Variants in FAM120B observed in about 807,000 individuals in gnomAD.
FAM120B encodes constitutive coactivator of peroxisome proliferator-activated receptor gamma.
A neutral mutation model predicts 96.3 loss-of-function variants in FAM120B; 83 were observed. The ratio of observed to expected loss-of-function variants is 0.86; its 90% confidence interval spans 0.72 to 1.03. The LOEUF (loss-of-function observed/expected upper bound fraction) is 1.03. FAM120B is among the 50% of genes least tolerant of loss of function. The pLI, the probability that FAM120B is intolerant of heterozygous loss-of-function variation, is 0.00. For synonymous variants in FAM120B, 407 were observed against 402.7 expected, an observed-to-expected ratio of 1.01 and a Z score of -0.13; for missense variants, 1,027 against 1,121.2, an observed-to-expected ratio of 0.92 and a Z score of 1.20.
chr6:170,313,341 A>T (rs1784707646), intron 1 of FAM120B, among the ~76,000 whole-genome samples: 1 of 152,174 alleles, frequency 6.6e-6, no homozygotes. Flanking sequence ...AATAGACCTC[A>T]GATACTCCAC....
At chr6:170,396,898 C>T (rs898637643) in intron 9 of FAM120B, among the ~76,000 whole-genome samples, 1 of 152,336 alleles carries the variant, frequency 6.6e-6, no homozygotes. Context: ...AGACTGAAGC[C>T]TGGTGCTTTG....
At chr6:170,321,227 C>CCTAA (rs1379974653) in intron 2 of FAM120B, among the ~76,000 whole-genome samples, 2 of 152,188 alleles carry the variant, frequency 1.3e-5, no homozygotes, top group African/African-American at 4.8e-5. Context: ...ATCTTCAAAC[C>CCTAA]CTAACAGGCA....
At chr6:170,404,708 C>A (rs560210037) in intron 10 of FAM120B, 55 bp from the exon 11 acceptor site, 60 of 835,068 alleles carry the variant, frequency 7.2e-5, no homozygotes, top group Non-Finnish European at 1.1e-4. Context: ...GATATTGAAT[C>A]CTGCTGACCT....
chr6:170,365,344 C>A (rs1788715306), intron 6 of FAM120B, among the ~76,000 whole-genome samples: 1 of 152,188 alleles, frequency 6.6e-6, no homozygotes, highest in African/African-American at 2.4e-5. Flanking sequence ...AGTCTAGGTT[C>A]ATCTGCTGCT....
intron 5 of FAM120B, among the ~76,000 whole-genome samples, chr6:170,348,597 C>G (rs1023451517): frequency 6.6e-6 from 1 of 152,182 alleles, no homozygotes; most frequent in Non-Finnish European, 1.5e-5. Context: ...CTTGACTAAA[C>G]TTTCTCAAAC....
chr6:170,330,156 C>A (rs1472603189), intron 3 of FAM120B, among the ~76,000 whole-genome samples: 3 of 152,172 alleles, frequency 2.0e-5, no homozygotes, highest in Non-Finnish European at 4.4e-5. Flanking sequence ...GGAGGAAAGA[C>A]ATCGTAGGAG....
chr6:170,300,918 T>C (rs944022815), intron 1 of FAM120B, among the ~76,000 whole-genome samples: 3 of 152,212 alleles, frequency 2.0e-5, no homozygotes. Context: ...GCTGCCTTCA[T>C]GGGCTGGCAT....
chr6:170,291,540 T>G (rs1344276685), upstream of FAM120B, among the ~76,000 whole-genome samples: 20 of 134,770 alleles, frequency 1.5e-4, no homozygotes, highest in South Asian at 4.7e-4. Flanking sequence ...GAGGCGGGGG[T>G]GGCGATTCGG....
chr6:170,391,617 A>G (rs896834856), intron 8 of FAM120B, among the ~76,000 whole-genome samples: 8 of 152,204 alleles, frequency 5.3e-5, no homozygotes, highest in Non-Finnish European at 1.2e-4. Flanking sequence ...GGATTCGCTC[A>G]TTAATTAAAT....
At chr6:170,365,439 G>T (rs1422066362) in intron 6 of FAM120B, among the ~76,000 whole-genome samples, 2 of 152,168 alleles carry the variant, frequency 1.3e-5, no homozygotes, top group Non-Finnish European at 2.9e-5. Flanking sequence ...AACTAAAGTT[G>T]TGTCTTGGAC....
chr6:170,291,441 C>G (rs1783869994), upstream of FAM120B, among the ~76,000 whole-genome samples: 1 of 152,072 alleles, frequency 6.6e-6, no homozygotes, highest in Admixed American at 6.5e-5. Context: ...CGGCTGCGAG[C>G]AGGAGGACGA....
At position 170,374,566 on chromosome 6, in the gene FAM120B, C is replaced by G. The variant is rs114759214; in HGVS notation, c.2284-13721C>G. Among the ~76,000 whole-genome samples, 539 of 152,334 alleles carry G rather than the reference C, an allele frequency of 3.5e-3. 3 individuals carry two copies. The highest frequency in any genetic ancestry group is 0.012 in the African/African-American group (491 of 41,566). On this transcript the variant is annotated intron_variant, in intron 6 of 10. Transcript: ENST00000476287. The stretch of plus-strand genomic sequence containing the variant: ...AGGCTTTCTTTCACTGAAAAACTTA[C>G]CCACACGTAACACTCGTTCAGAGCA...
Position 170,405,435 on chromosome 6 carries a change from G to A in FAM120B, c.*684G>A, listed in dbSNP as rs965954777. The stretch of plus-strand genomic sequence containing the variant: ...TAATGGTCAGAGAAGCTGGATGAGG[G>A]GCTGATTCATGTCCTGGGCATGACA... On this transcript the variant is annotated 3_prime_UTR_variant, in exon 11 of 11. Transcript: ENST00000476287. 1 of 152,150 alleles carries A rather than the reference G, an allele frequency of 6.6e-6. No individual in the cohort carries two copies. The highest frequency in any genetic ancestry group is 1.5e-5 in the Non-Finnish European group (1 of 68,036). 9.4% of individuals were successfully genotyped at this position (152,150 alleles called of 1,614,324 possible). A position where few individuals can be genotyped will look rare whatever the true frequency, so the allele number is the denominator to read the frequency against.
intron 6 of FAM120B, among the ~76,000 whole-genome samples, chr6:170,378,257 CT>C (rs1267764319): frequency 6.6e-6 from 1 of 152,104 alleles, no homozygotes; most frequent in African/African-American, 2.4e-5. Context: ...TGTAGCACAT[CT>C]GATCTAAGTT....
chr6:170,351,517 A>G (rs1787579647), intron 5 of FAM120B, among the ~76,000 whole-genome samples: 1 of 152,212 alleles, frequency 6.6e-6, no homozygotes. Flanking sequence ...GGTTGAAATG[A>G]AAGAAAAAAT....
intron 1 of FAM120B, among the ~76,000 whole-genome samples, chr6:170,297,203 C>T (rs1051772468): frequency 2.0e-5 from 3 of 152,222 alleles, no homozygotes; most frequent in Admixed American, 6.5e-5. Flanking sequence ...CTCAGGGTTT[C>T]CTCCACGCCC....
At chr6:170,366,005 G>A (rs1788769025) in intron 6 of FAM120B, among the ~76,000 whole-genome samples, 1 of 152,146 alleles carries the variant, frequency 6.6e-6, no homozygotes, top group Admixed American at 6.5e-5. Context: ...TAACAGCAGT[G>A]AGCTGTTTCT....
intron 4 of FAM120B, among the ~76,000 whole-genome samples, chr6:170,347,493 TA>T (rs1787269769): frequency 6.6e-6 from 1 of 152,242 alleles, no homozygotes; most frequent in African/African-American, 2.4e-5. Flanking sequence ...AACATCTATA[TA>T]AAATATAGAA....
intron 9 of FAM120B, among the ~76,000 whole-genome samples, chr6:170,400,365 G>A (rs1287511189): frequency 3.9e-5 from 6 of 152,144 alleles, no homozygotes; most frequent in African/African-American, 1.4e-4. Context: ...CCTGATCTCA[G>A]AAGGCAGGTG....
Sources: gnomAD v4.1 joint callset for allele counts (sites outside exome capture counted in the v4.1 genomes callset) on GRCh38, gnomAD v4.1.1 for gene constraint, MANE v1.5 for transcripts, NCBI Gene and HGNC (gene_info 2026-07-23, HGNC 2026-07-21) for gene names.